Variants in ARHGAP28 observed in about 807,000 individuals in gnomAD.
ARHGAP28 encodes the protein Rho GTPase activating protein 28, also known as rho GTPase-activating protein 28.
In ARHGAP28, 56 loss-of-function variants were observed where a neutral mutation model predicts 90.7. The observed-to-expected ratio is 0.62, with a 90% CI of 0.50 to 0.77. The LOEUF (loss-of-function observed/expected upper bound fraction) is 0.77, where lower values mean the gene tolerates loss of function less well. ARHGAP28 is among the 30% of genes least tolerant of loss of function. The pLI is 0.00. For missense variants in ARHGAP28, 869 were observed against 900.9 expected (o/e 0.96, Z 0.45); for synonymous variants, 308 against 323.3 (o/e 0.95, Z 0.51).
intron 3 of ARHGAP28, among the ~76,000 whole-genome samples, chr18:6,844,217 A>G (rs751505636): frequency 3.9e-5 from 6 of 152,244 alleles, no homozygotes; most frequent in Non-Finnish European, 7.3e-5. Context: ...TTGGCTGCAC[A>G]TAACAGAAAA....
At chr18:6,835,003 C>T (rs959898058) in intron 2 of ARHGAP28, among the ~76,000 whole-genome samples, 1 of 152,188 alleles carries the variant, frequency 6.6e-6, no homozygotes, top group Non-Finnish European at 1.5e-5. Flanking sequence ...ATATATGGAA[C>T]TGAAATTCAA....
In ARHGAP28 at chr18:6,913,780, G is replaced by A. The variant is rs914346183; in HGVS notation, c.*1626G>A. On this transcript the variant is annotated 3_prime_UTR_variant, in exon 18 of 18. Coordinates refer to ENST00000383472, the MANE Select transcript of ARHGAP28 (RefSeq NM_001366230.1). ...CCCATTAAAAGAAAACGTGCCTTCT[G>A]TATAAGTTTATGTTTATTCCTACAT... 2.0e-5 allele frequency: 3 copies of A among 151,106 alleles called. No homozygotes were observed. The highest frequency in any genetic ancestry group is 6.6e-5 in the Admixed American group (1 of 15,182). The allele number at this position is 151,106 out of a possible 1,614,324, so 9.4% of individuals were successfully genotyped here. A position where few individuals can be genotyped will look rare whatever the true frequency, so the allele number is the denominator to read the frequency against.
chr18:6,778,720 G>C lies in ARHGAP28; in HGVS notation c.123-46042G>C, dbSNP rs2056303089. Among the ~76,000 whole-genome samples, 7 of 152,186 alleles carry C rather than the reference G, an allele frequency of 4.6e-5. 1 individual carries two copies. The South Asian group carries it at 1.4e-3, about 31-fold the overall frequency. ...AGGGAGTGCTACGTGTGACTAACGAGCATTAGTGCATCTTGATTAGAGTTG... is the reference window on the plus strand; with the variant it reads ...AGGGAGTGCTACGTGTGACTAACGACCATTAGTGCATCTTGATTAGAGTTG... On this transcript the variant is annotated intron_variant, in intron 1 of 17. Transcript: ENST00000383472.
At chr18:6,876,354 ATGTT>A (rs1334034917) in intron 10 of ARHGAP28, 146 bp downstream of exon 10, 6 of 568,398 alleles carry the variant, frequency 1.1e-5, no homozygotes, top group Admixed American at 1.1e-4. Context: ...CTGTGGTAAA[ATGTT>A]TGTTCCAGAG....
At chr18:6,890,902 AGAGATTTCTTCATT>A (rs1600292742) in intron 14 of ARHGAP28, among the ~76,000 whole-genome samples, 1 of 152,236 alleles carries the variant, frequency 6.6e-6, no homozygotes, top group Non-Finnish European at 1.5e-5. Context: ...ACTTGGGAAA[AGAGATTTCTTCATT>A]GATTGGTTAG....
chr18:6,765,907 A>T (rs2056196411), intron 1 of ARHGAP28, among the ~76,000 whole-genome samples: 1 of 152,164 alleles, frequency 6.6e-6, no homozygotes, highest in Non-Finnish European at 1.5e-5. Context: ...CTTAATTTCC[A>T]ATCTTTGGGG....
intron 1 of ARHGAP28, among the ~76,000 whole-genome samples, chr18:6,772,646 G>T (rs976356761): frequency 2.6e-5 from 4 of 152,190 alleles, no homozygotes; most frequent in Non-Finnish European, 5.9e-5. Flanking sequence ...GCTAGGGTGA[G>T]CTGTGATGCT....
At chr18:6,891,414 G>A (rs775773933) in intron 14 of ARHGAP28, among the ~76,000 whole-genome samples, 3 of 151,658 alleles carry the variant, frequency 2.0e-5, no homozygotes, top group South Asian at 2.1e-4. Context: ...ACAGGCATGC[G>A]CCACCATGCC....
At chr18:6,859,098 A>C (rs568019112) in intron 4 of ARHGAP28, among the ~76,000 whole-genome samples, 1 of 152,120 alleles carries the variant, frequency 6.6e-6, no homozygotes, top group African/African-American at 2.4e-5. Context: ...ACAACAACAA[A>C]AAACAAAATT....
chr18:6,835,507 C>G (rs1482049867), intron 2 of ARHGAP28, among the ~76,000 whole-genome samples: 1 of 152,124 alleles, frequency 6.6e-6, no homozygotes, highest in African/African-American at 2.4e-5. Context: ...TAATACACAT[C>G]AAAGGCTTTG....
At chr18:6,772,092 G>A (rs752584090) in intron 1 of ARHGAP28, among the ~76,000 whole-genome samples, 4 of 152,060 alleles carry the variant, frequency 2.6e-5, no homozygotes, top group Non-Finnish European at 4.4e-5. Context: ...CACCAAGGTA[G>A]GACTTAAAGG....
At chr18:6,812,345 G>A (rs993320924) in intron 1 of ARHGAP28, among the ~76,000 whole-genome samples, 1 of 152,130 alleles carries the variant, frequency 6.6e-6, no homozygotes, top group South Asian at 2.1e-4. Context: ...AAGTAAATAA[G>A]TGAAATGCAA....
At chr18:6,848,391 T>G (rs2056882750) in intron 3 of ARHGAP28, among the ~76,000 whole-genome samples, 1 of 152,168 alleles carries the variant, frequency 6.6e-6, no homozygotes, top group Admixed American at 6.5e-5. Context: ...TATAGGGTAA[T>G]CACCATGAAA....
chr18:6,856,334 A>G (rs1233936931), intron 4 of ARHGAP28, among the ~76,000 whole-genome samples: 3 of 152,238 alleles, frequency 2.0e-5, no homozygotes, highest in African/African-American at 7.2e-5. Flanking sequence ...ACCCATTATT[A>G]TAGCAATATA....
chr18:6,841,144 GTCTCTCTCCTCTT>G (rs1378695564), intron 3 of ARHGAP28, among the ~76,000 whole-genome samples: 4 of 83,144 alleles, frequency 4.8e-5, no homozygotes, highest in African/African-American at 2.1e-4. Context: ...CTCTCTCACT[GTCTCTCTCCTCTT>G]TCTCTCTCTC....
chr18:6,732,081 C>G (rs996261829), intron 1 of ARHGAP28, among the ~76,000 whole-genome samples: 1 of 137,934 alleles, frequency 7.2e-6, no homozygotes, highest in Non-Finnish European at 1.6e-5. Context: ...CCCACTACAC[C>G]TGAGTTTATA....
At position 6,865,498 on chromosome 18, in the gene ARHGAP28, T is replaced by C. The variant is rs77674506; in HGVS notation, c.727-2652T>C. On this transcript the variant is annotated intron_variant, in intron 5 of 17. Coordinates refer to ENST00000383472, the MANE Select transcript of ARHGAP28 (RefSeq NM_001366230.1). ...TGCAGAACAAGAAGATGAGGAGCCT[T>C]ACTGTCTTGGTTTAATCAAGCACAG... Among the ~76,000 whole-genome samples, 678 of 152,292 alleles carry C rather than the reference T, an allele frequency of 4.5e-3. 8 individuals are homozygous for C. The highest frequency in any genetic ancestry group is 0.016 in the African/African-American group (651 of 41,550).
chr18:6,808,549 G>C (rs573316829), intron 1 of ARHGAP28, among the ~76,000 whole-genome samples: 20 of 152,230 alleles, frequency 1.3e-4, no homozygotes, highest in Admixed American at 1.2e-3. Flanking sequence ...GTGTACAGCT[G>C]TATTTTGGCA....
At chr18:6,909,045 T>G in intron 17 of ARHGAP28, 21 bp downstream of exon 17, 5 of 1,277,660 alleles carry the variant, frequency 3.9e-6, no homozygotes, top group Non-Finnish European at 5.6e-6. Context: ...TGTAATAATT[T>G]CTACTGCTAA....
Sources: allele counts gnomAD v4.1 joint callset (sites outside exome capture counted in the v4.1 genomes callset), GRCh38; gene constraint gnomAD v4.1.1; transcripts MANE v1.5; gene names NCBI Gene and HGNC (gene_info 2026-07-23, HGNC 2026-07-21).